Variants in KLHL7 observed in about 807,000 individuals in gnomAD.
The protein encoded by KLHL7 is kelch-like protein 7.
Under a neutral mutation model 67.4 loss-of-function variants are expected in KLHL7, and 44 were observed. The observed-to-expected ratio is 0.65, with a 90% confidence interval of 0.51 to 0.84. KLHL7 has a LOEUF of 0.84. KLHL7 is among the 40% of genes least tolerant of loss of function. The pLI is 0.00. For missense variants in KLHL7, 362 were observed against 718.1 expected, an observed-to-expected ratio of 0.50 and a Z score of 5.67; for synonymous variants, 252 against 243.3, an observed-to-expected ratio of 1.04 and a Z score of -0.33.
At chr7:23,117,923 A>G in intron 1 of KLHL7, 1 of 1,614,084 alleles carries the variant, frequency 6.2e-7, no homozygotes, top group South Asian at 1.1e-5. Flanking sequence ...GCTGGGAGGG[A>G]CTGATTGCAG....
At chr7:23,145,666 G>A (rs1583695490) in intron 6 of KLHL7, among the ~76,000 whole-genome samples, 1 of 152,334 alleles carries the variant, frequency 6.6e-6, no homozygotes, top group East Asian at 1.9e-4. Flanking sequence ...TAAGCTGGGT[G>A]TAGGCATTTG....
intron 5 of KLHL7, among the ~76,000 whole-genome samples, chr7:23,142,140 C>T (rs1333547970): frequency 6.6e-6 from 1 of 152,028 alleles, no homozygotes; most frequent in African/African-American, 2.4e-5. Flanking sequence ...TTGACCTGCC[C>T]ACCTCAGCCT....
intron 7 of KLHL7, chr7:23,155,965 T>G: frequency 2.2e-6 from 1 of 461,592 alleles, no homozygotes; most frequent in Non-Finnish European, 4.5e-6. Flanking sequence ...TTCTAATTCT[T>G]TCCTTGATTT....
chr7:23,168,202 C>T (rs1785057807), intron 9 of KLHL7, 165 bp downstream of exon 9: 1 of 648,424 alleles, frequency 1.5e-6, no homozygotes, highest in Non-Finnish European at 2.7e-6. Flanking sequence ...ATGACCTGGA[C>T]CTTTCCCTTA....
At chr7:23,151,114 T>C (rs577715632) in intron 6 of KLHL7, among the ~76,000 whole-genome samples, 18 of 151,956 alleles carry the variant, frequency 1.2e-4, no homozygotes, top group African/African-American at 4.1e-4. Context: ...CTGGCTCCTA[T>C]GTTTTTGGTC....
rs1783450715 is a variant in KLHL7, at chr7:23,123,831, C to T, written c.175C>T (p.Arg59Cys). Residue 59 changes from arginine to cysteine, a missense_variant, in exon 2 of 11, where the codon CGT becomes TGT. Around this residue, in one of 5 missense-constraint regions of KLHL7, gnomAD observed 57 missense variants for 81.7 expected, o/e 0.70. Coordinates refer to ENST00000339077, the MANE Select transcript of KLHL7 (RefSeq NM_001031710.3). Reference sequence around the variant, plus strand: ...CCAGGAAAGAAAGATACCTGCTCATCGTGTTGTTCTTGCTGCAGCCAGTCA... The same window carrying T: ...CCAGGAAAGAAAGATACCTGCTCATTGTGTTGTTCTTGCTGCAGCCAGTCA... ...MVQERKIPAHRVVLAAASHFF... is the reference protein window; with the variant it reads ...MVQERKIPAHCVVLAAASHFF... The T allele has an allele frequency of 1.2e-6, 2 of 1,613,698 alleles. No individual in the cohort carries two copies. Among genetic ancestry groups the T allele is most frequent in the Non-Finnish European group, 8.5e-7 (1 of 1,179,902 alleles).
intron 4 of KLHL7, among the ~76,000 whole-genome samples, chr7:23,127,526 G>A (rs541051690): frequency 1.9e-4 from 29 of 152,180 alleles, no homozygotes; most frequent in African/African-American, 7.0e-4. Flanking sequence ...CAGCTGATTG[G>A]ATAATTCCTA....
chr7:23,123,429 C>T (rs983261578), intron 1 of KLHL7, among the ~76,000 whole-genome samples: 1 of 147,906 alleles, frequency 6.8e-6, no homozygotes, highest in African/African-American at 2.5e-5. Context: ...GCCATGATGT[C>T]ATTGAATTTC....
chr7:23,174,918 C>A lies in KLHL7; in HGVS notation c.*620C>A, dbSNP rs1562597134. On this transcript the variant is annotated 3_prime_UTR_variant, in exon 11 of 11. Coordinates refer to ENST00000339077, the MANE Select transcript of KLHL7 (RefSeq NM_001031710.3). ...CAACTCCTCATGAAATATATTCAAT[C>A]CACTTAAATATATTCCATCTTTTTA... is the stretch of plus-strand genomic sequence containing the variant. 3 of 454,272 alleles carry A rather than the reference C, an allele frequency of 6.6e-6. No individual in the cohort carries two copies. The highest frequency in any genetic ancestry group is 1.3e-5 in the Non-Finnish European group (3 of 226,772). 28.1% of individuals were successfully genotyped at this position (454,272 alleles called of 1,614,324 possible).
intron 8 of KLHL7, 91 bp from the exon 9 acceptor site, chr7:23,167,745 T>A: frequency 8.6e-7 from 1 of 1,167,018 alleles, no homozygotes. Flanking sequence ...CCTAAATTCT[T>A]CCTTCCTTAA....
chr7:23,171,551 C>G (rs1785161112), intron 9 of KLHL7, among the ~76,000 whole-genome samples: 1 of 152,084 alleles, frequency 6.6e-6, no homozygotes, highest in Admixed American at 6.6e-5. Flanking sequence ...AAAACAGGAG[C>G]CATGCTGTCC....
chr7:23,118,466 C>T lies in KLHL7; in HGVS notation c.121-5311C>T, dbSNP rs147331422. On this transcript the variant is annotated intron_variant, in intron 1 of 10. Coordinates refer to ENST00000339077, the MANE Select transcript of KLHL7 (RefSeq NM_001031710.3). Reference sequence around the variant, plus strand: ...AGTCCTCTCCTGCCAGAGGAGCAACCCTGCCCCAATGATTGATGTCCCACT... The same window carrying T: ...AGTCCTCTCCTGCCAGAGGAGCAACTCTGCCCCAATGATTGATGTCCCACT... Among the ~76,000 whole-genome samples the T allele has an allele frequency of 1.3e-3, 193 of 152,300 alleles. 1 individual carries two copies. Among genetic ancestry groups the T allele is most frequent in the African/African-American group, 4.2e-3 (175 of 41,568 alleles).
chr7:23,129,368 G>T, intron 4 of KLHL7: 1 of 379,592 alleles, frequency 2.6e-6, no homozygotes, highest in Non-Finnish European at 5.3e-6. Context: ...TTGACCAAGG[G>T]AAACTCATCC....
intron 7 of KLHL7, among the ~76,000 whole-genome samples, chr7:23,164,770 C>A (rs1212973167): frequency 1.3e-5 from 2 of 152,226 alleles, no homozygotes; most frequent in African/African-American, 2.4e-5. Context: ...GCCTGAAACA[C>A]TGGATACGAT....
At chr7:23,107,608 T>C (rs758338038) in intron 1 of KLHL7, among the ~76,000 whole-genome samples, 1 of 152,214 alleles carries the variant, frequency 6.6e-6, no homozygotes, top group African/African-American at 2.4e-5. Flanking sequence ...AAAAAGTGAC[T>C]CACATTTCTT....
At chr7:23,144,116 C>T in intron 6 of KLHL7, 91 bp downstream of exon 6, 1 of 1,067,418 alleles carries the variant, frequency 9.4e-7, no homozygotes, top group Non-Finnish European at 1.4e-6. Context: ...ACTCAGTAGC[C>T]AGGGAGAAAC....
At chr7:23,150,441 CAG>C (rs1274552391) in intron 6 of KLHL7, among the ~76,000 whole-genome samples, 2 of 152,096 alleles carry the variant, frequency 1.3e-5, no homozygotes, top group African/African-American at 2.4e-5. Flanking sequence ...TTAACACAAA[CAG>C]TAGTGCACTC....
chr7:23,138,171 G>A lies in KLHL7; in HGVS notation c.443-2598G>A, dbSNP rs372744605. ...AGCCTGGGCAACAGACTGAGACTCC[G>A]TCTCAAGAAAAAAAAGGCACGGTGG... is the stretch of plus-strand genomic sequence containing the variant. On this transcript the variant is annotated intron_variant, in intron 4 of 10. Transcript: ENST00000339077. Among the ~76,000 whole-genome samples the A allele has an allele frequency of 7.9e-4, 111 of 140,756 alleles. 2 individuals are homozygous for A. In the East Asian group the frequency reaches 0.016, roughly 21 times the overall value. The allele number at this position is 140,756 out of a possible 152,430, so 92.3% of individuals were successfully genotyped here. A position where few individuals can be genotyped will look rare whatever the true frequency, so the allele number is the denominator to read the frequency against.
In KLHL7 at chr7:23,142,800, T is replaced by C. The variant is rs555793937; in HGVS notation, c.619-1051T>C. Among the ~76,000 whole-genome samples the C allele has an allele frequency of 2.6e-4, 40 of 152,330 alleles. 2 individuals carry two copies. The highest frequency in any genetic ancestry group is 9.6e-4 in the African/African-American group (40 of 41,580). On this transcript the variant is annotated intron_variant, in intron 5 of 10. Coordinates refer to ENST00000339077, the MANE Select transcript of KLHL7 (RefSeq NM_001031710.3). ...GAAAGGCTGAAAAACTGTCACAGTC[T>C]AGAAGATTCTAAGGTTTAATGACTA...
Sources: allele counts gnomAD v4.1 joint callset (sites outside exome capture counted in the v4.1 genomes callset), GRCh38; gene constraint gnomAD v4.1.1; regional missense constraint gnomAD v4.1.1; transcripts MANE v1.5; gene names NCBI Gene and HGNC (gene_info 2026-07-23, HGNC 2026-07-21).